Variants in MCPH1 observed in about 807,000 individuals in gnomAD.
MCPH1 encodes microcephalin 1.
MCPH1 carries 104 observed loss-of-function variants against 84.5 expected under a neutral mutation model. That is an observed-to-expected ratio of 1.23 (90% CI 1.05 to 1.45). The LOEUF is 1.45. Ranked by LOEUF, MCPH1 falls within the 40% of genes most tolerant of loss-of-function variation. The pLI is 0.00. For missense variants in MCPH1, 1,498 were observed against 1,005.7 expected, an observed-to-expected ratio of 1.49 and a Z score of -6.62; for synonymous variants, 514 against 366.8, an observed-to-expected ratio of 1.40 and a Z score of -4.58.
At chr8:6,488,907 G>A (rs78779487) in intron 11 of MCPH1, among the ~76,000 whole-genome samples, 2 of 151,986 alleles carry the variant, frequency 1.3e-5, no homozygotes, top group African/African-American at 2.4e-5. Context: ...AGGTGGAGAG[G>A]AGAGAGCAGG....
chr8:6,558,391 G>T (rs1824991381), intron 12 of MCPH1, among the ~76,000 whole-genome samples: 1 of 151,922 alleles, frequency 6.6e-6, no homozygotes, highest in African/African-American at 2.4e-5. Flanking sequence ...TACTCCCATG[G>T]CGGTAGAGTT....
intron 12 of MCPH1, chr8:6,503,194 T>G (rs376387603): frequency 1.7e-4 from 277 of 1,614,218 alleles, no homozygotes; most frequent in Non-Finnish European, 1.7e-4. Flanking sequence ...TGAACTTATT[T>G]GTGTTCTGCC....
rs1817297966 is a variant in MCPH1, at chr8:6,521,329, T to C, written c.2214+21400T>C. 3.7e-6 allele frequency: 6 copies of C among 1,613,838 alleles called. No homozygotes were observed. In the African/African-American group the frequency reaches 6.7e-5, roughly 18 times the overall value. On this transcript the variant is annotated intron_variant, in intron 12 of 13. Transcript: ENST00000344683. ...AATTTTGCTTGGATACTAACACCTG[T>C]AGCTGATCTTTCTCTTCTTTTATTG...
At chr8:6,509,484 G>A (rs1196131275) in intron 12 of MCPH1, among the ~76,000 whole-genome samples, 2 of 152,198 alleles carry the variant, frequency 1.3e-5, no homozygotes, top group South Asian at 4.1e-4. Flanking sequence ...GGGGGGGATG[G>A]AGAATGCAGC....
rs749066419 is a variant in MCPH1, at chr8:6,579,287, C to G, written c.2215-42167C>G. Among the ~76,000 whole-genome samples, 3 of 152,204 alleles carry G rather than the reference C, an allele frequency of 2.0e-5. No homozygotes were observed. The South Asian group carries it at 6.2e-4, about 31-fold the overall frequency. ...TGGTGTCTGATGCGTGAGTTCGCCC[C>G]CTTTCCCGGTCCCCTTCTCCTCCAT... is the stretch of plus-strand genomic sequence containing the variant. On this transcript the variant is annotated intron_variant, in intron 12 of 13. Coordinates refer to ENST00000344683, the MANE Select transcript of MCPH1 (RefSeq NM_024596.5).
intron 12 of MCPH1, among the ~76,000 whole-genome samples, chr8:6,582,944 G>C (rs114531252): frequency 6.6e-6 from 1 of 152,104 alleles, no homozygotes; most frequent in Non-Finnish European, 1.5e-5. Flanking sequence ...TCTGGGCCAC[G>C]ATGACTGGGG....
At chr8:6,541,213 T>C (rs930968232) in intron 12 of MCPH1, among the ~76,000 whole-genome samples, 1 of 152,014 alleles carries the variant, frequency 6.6e-6, no homozygotes. Context: ...CACCAGAGGG[T>C]TTCCCTGACA....
chr8:6,575,709 C>A (rs1189647281), intron 12 of MCPH1, among the ~76,000 whole-genome samples: 1 of 152,182 alleles, frequency 6.6e-6, no homozygotes, highest in Non-Finnish European at 1.5e-5. Flanking sequence ...TAGGGTCATA[C>A]TGGAGTGGAG....
intron 12 of MCPH1, chr8:6,509,189 T>C: frequency 8.3e-7 from 1 of 1,202,966 alleles, no homozygotes; most frequent in Non-Finnish European, 1.1e-6. Context: ...GACTAATGCA[T>C]ACTCTGGACA....
chr8:6,514,751 CT>C, intron 12 of MCPH1: 2 of 1,614,074 alleles, frequency 1.2e-6, no homozygotes, highest in Non-Finnish European at 8.5e-7. Context: ...GTCCACCCGC[CT>C]CCTCCAGCTT....
intron 9 of MCPH1, among the ~76,000 whole-genome samples, chr8:6,475,890 TAG>T (rs969012646): frequency 1.3e-5 from 2 of 152,038 alleles, no homozygotes; most frequent in Admixed American, 1.3e-4. Flanking sequence ...GACTGTCTCT[TAG>T]AGAGGCCGTC....
intron 13 of MCPH1, chr8:6,626,908 CTG>C: frequency 1.0e-6 from 1 of 984,288 alleles, no homozygotes; most frequent in Non-Finnish European, 1.2e-6. Flanking sequence ...CTTTTATTGT[CTG>C]GGCTCCATTC....
intron 12 of MCPH1, chr8:6,615,860 GGGTTTTAGAGAAC>G (rs1830737115): frequency 6.6e-6 from 1 of 152,200 alleles, no homozygotes; most frequent in Non-Finnish European, 1.5e-5. Flanking sequence ...AGGCGGGGCA[GGGTTTTAGAGAAC>G]CCCTGAGTGC....
At chr8:6,631,638 A>T (rs1242083696) in intron 13 of MCPH1, among the ~76,000 whole-genome samples, 1 of 151,086 alleles carries the variant, frequency 6.6e-6, no homozygotes, top group Non-Finnish European at 1.5e-5. Context: ...CCTCACACCC[A>T]TTATGATTGC....
At position 6,647,215 on chromosome 8, in the gene MCPH1, C is replaced by G. The variant is rs1192478584; in HGVS notation, c.*4166C>G. On this transcript the variant is annotated 3_prime_UTR_variant, in exon 14 of 14. Transcript: ENST00000344683. ...CACTAGGGAAATACAAATTAAAGGC[C>G]CAATGAAATACCTATTACACACCCA... is the stretch of plus-strand genomic sequence containing the variant. The G allele has an allele frequency of 6.6e-6, 1 of 151,924 alleles. No individual in the cohort carries two copies. Among genetic ancestry groups the G allele is most frequent in the African/African-American group, 2.4e-5 (1 of 41,354 alleles). 9.4% of individuals were successfully genotyped at this position (151,924 alleles called of 1,614,324 possible).
chr8:6,617,259 G>GC (rs2129580107), intron 12 of MCPH1: 1 of 146,270 alleles, frequency 6.8e-6, no homozygotes, highest in Admixed American at 6.7e-5. Context: ...TTTTTGGTGG[G>GC]GGGGGGGTGT....
At chr8:6,436,230 A>C (rs1203129717) in intron 5 of MCPH1, 68 bp downstream of exon 5, 3 of 1,512,056 alleles carry the variant, frequency 2.0e-6, no homozygotes. Flanking sequence ...TTGCATGATG[A>C]CTAGTGGGGT....
At chr8:6,486,955 C>T (rs1475752918) in intron 11 of MCPH1, among the ~76,000 whole-genome samples, 1 of 152,172 alleles carries the variant, frequency 6.6e-6, no homozygotes, top group African/African-American at 2.4e-5. Flanking sequence ...TACTTTCCCT[C>T]GAAACCCTTT....
rs200406468 is a variant in MCPH1 at position 6,444,657 on chromosome 8, C to T, written c.935C>T (p.Thr312Ile). Residue 312 changes from threonine to isoleucine, a missense_variant, in exon 8 of 14, where the codon ACC (threonine) becomes ATC (isoleucine). Transcript: ENST00000344683. ...LQRNIAGKVV[T>I]PDQKQAAGMS... is the part of the protein sequence containing the mutation. ...AGAAATATTGCAGGTAAAGTAGTCA[C>T]CCCTGACCAAAAGCAGGCTGCAGGT... 1 of 1,614,060 alleles carries T rather than the reference C, an allele frequency of 6.2e-7. No individual in the cohort carries two copies. The highest frequency in any genetic ancestry group is 2.2e-5 in the East Asian group (1 of 44,886).
Sources: gnomAD v4.1 joint callset for allele counts (sites outside exome capture counted in the v4.1 genomes callset) on GRCh38, gnomAD v4.1.1 for gene constraint, MANE v1.5 for transcripts, NCBI Gene and HGNC (gene_info 2026-07-23, HGNC 2026-07-21) for gene names.